Variants in PRKN observed in about 807,000 individuals in gnomAD.
PRKN encodes the protein E3 ubiquitin-protein ligase parkin.
PRKN carries 56 observed loss-of-function variants against 59.5 expected under a neutral mutation model. The ratio of observed to expected loss-of-function variants is 0.94; its 90% CI spans 0.76 to 1.18. The LOEUF (loss-of-function observed/expected upper bound fraction) is 1.18. Ranked by LOEUF, PRKN falls within the 50% of genes most tolerant of loss-of-function variation. The pLI, the probability that PRKN is intolerant of heterozygous loss-of-function variation, is 0.00. For missense variants in PRKN, 657 were observed against 596.4 expected (o/e 1.10, Z -1.06); for synonymous variants, 250 against 222.1 (o/e 1.13, Z -1.12).
chr6:161,947,610 T>C (rs1174814521), intron 6 of PRKN, among the ~76,000 whole-genome samples: 1 of 152,188 alleles, frequency 6.6e-6, no homozygotes, highest in African/African-American at 2.4e-5. Flanking sequence ...TGGAACTACA[T>C]CTTGTATTCA....
At chr6:162,658,490 C>T in intron 1 of PRKN, among the ~76,000 whole-genome samples, 1 of 151,538 alleles carries the variant, frequency 6.6e-6, no homozygotes, top group East Asian at 1.9e-4. Context: ...GGTGAAACCC[C>T]GTCTCTACAA....
In PRKN at chr6:161,584,247, C is replaced by G. The variant is rs1254838839; in HGVS notation, c.872-14831G>C. Among the ~76,000 whole-genome samples, 1 of 152,146 alleles carries G rather than the reference C, an allele frequency of 6.6e-6. No individual in the cohort carries two copies. The highest frequency in any genetic ancestry group is 1.5e-5 in the Non-Finnish European group (1 of 68,020). Reference sequence around the variant, plus strand: ...CAGGCAACATAATTATGAAAAATGTCTGTGCTCAATACAGCCTGTCCTTCC... The same window carrying G: ...CAGGCAACATAATTATGAAAAATGTGTGTGCTCAATACAGCCTGTCCTTCC... On this transcript the variant is annotated intron_variant, in intron 7 of 11. Coordinates refer to ENST00000366898, the MANE Select transcript of PRKN (RefSeq NM_004562.3). This position sits in a 1 kb window ranked among gnomAD's most constrained non-coding sequence, Gnocchi z 4.8.
chr6:162,151,047 G>A (rs1782248830), intron 4 of PRKN, among the ~76,000 whole-genome samples: 1 of 152,174 alleles, frequency 6.6e-6, no homozygotes, highest in South Asian at 2.1e-4. Flanking sequence ...AGGCAATAAA[G>A]ACAGCAGGGA....
At chr6:162,236,066 G>A (rs1021474153) in intron 3 of PRKN, among the ~76,000 whole-genome samples, 1 of 151,884 alleles carries the variant, frequency 6.6e-6, no homozygotes, top group Non-Finnish European at 1.5e-5. Context: ...TTACTGCCAG[G>A]TCCCCCTTTC....
chr6:162,528,299 G>A (rs1227360892), intron 1 of PRKN, among the ~76,000 whole-genome samples: 2 of 149,948 alleles, frequency 1.3e-5, no homozygotes, highest in East Asian at 3.9e-4. Context: ...TCCAGCCTGG[G>A]TGAAGTGAAA....
rs1785450522 is a variant in PRKN at position 161,371,688 on chromosome 6, G to C, written c.1168-11483C>G. 6.6e-6 allele frequency among the ~76,000 whole-genome samples: 1 copy of C among 151,940 alleles called. No homozygotes were observed. The highest frequency in any genetic ancestry group is 1.5e-5 in the Non-Finnish European group (1 of 68,012). On this transcript the variant is annotated intron_variant, in intron 10 of 11. Transcript: ENST00000366898. This position sits in a 1 kb window ranked among gnomAD's most constrained non-coding sequence, Gnocchi z 5.5. ...GAGTTTTGCTCTGTCACCTAGGCTG[G>C]AGTGCAATGACACAATCTCGGCTCA...
intron 6 of PRKN, among the ~76,000 whole-genome samples, chr6:161,946,701 G>A (rs1779795669): frequency 6.6e-6 from 1 of 151,994 alleles, no homozygotes; most frequent in Non-Finnish European, 1.5e-5. Context: ...CTGGAAATCT[G>A]TTCTTTAGAA....
At chr6:161,452,203 G>A (rs1467289999) in intron 9 of PRKN, among the ~76,000 whole-genome samples, 4 of 151,740 alleles carry the variant, frequency 2.6e-5, no homozygotes, top group African/African-American at 4.9e-5. Context: ...ATCCCACCTC[G>A]GCCTCCCAAA....
Position 162,073,443 on chromosome 6 carries a change from G to T in PRKN, c.535-19269C>A, listed in dbSNP as rs563641527. 2.6e-5 allele frequency among the ~76,000 whole-genome samples: 4 copies of T among 152,088 alleles called. 1 individual carries two copies. In the South Asian group the frequency reaches 6.2e-4, roughly 24 times the overall value. On this transcript the variant is annotated intron_variant, in intron 4 of 11. Transcript: ENST00000366898. ...TACCTCTATAGCTTTGGGTTTTTTT[G>T]TTGTTGTTTTTTGTGTGTCTGTTTT... is the stretch of plus-strand genomic sequence containing the variant.
At chr6:162,253,853 A>C (rs935968141) in intron 3 of PRKN, among the ~76,000 whole-genome samples, 1 of 151,998 alleles carries the variant, frequency 6.6e-6, no homozygotes, top group Non-Finnish European at 1.5e-5. Context: ...GGTATAAAAA[A>C]GTCCACACAA....
intron 3 of PRKN, among the ~76,000 whole-genome samples, chr6:162,211,874 C>G (rs555427696): frequency 7.8e-4 from 118 of 152,236 alleles, no homozygotes; most frequent in South Asian, 1.2e-3. Flanking sequence ...CATAAAATCT[C>G]TACTACCTCT....
chr6:162,150,688 A>G (rs1373100097), intron 4 of PRKN, among the ~76,000 whole-genome samples: 3 of 152,294 alleles, frequency 2.0e-5, no homozygotes, highest in African/African-American at 7.2e-5. Flanking sequence ...AACGAACTAC[A>G]GCTTTCCCTG....
intron 3 of PRKN, among the ~76,000 whole-genome samples, chr6:162,257,291 CCA>C (rs1476740941): frequency 2.6e-5 from 4 of 152,096 alleles, no homozygotes; most frequent in Non-Finnish European, 5.9e-5. Flanking sequence ...GCCAGCGTGG[CCA>C]CAGTTTTTCT....
chr6:162,243,289 T>C (rs184231603), intron 3 of PRKN, among the ~76,000 whole-genome samples: 2 of 152,268 alleles, frequency 1.3e-5, no homozygotes, highest in East Asian at 3.9e-4. Context: ...TAAGAAGTTG[T>C]ATAGCAGTCA....
At chr6:162,652,520 A>C (rs1373573847) in intron 1 of PRKN, among the ~76,000 whole-genome samples, 1 of 152,198 alleles carries the variant, frequency 6.6e-6, no homozygotes, top group African/African-American at 2.4e-5. Context: ...AATTCATTTT[A>C]AATTTAGTTT....
intron 7 of PRKN, among the ~76,000 whole-genome samples, chr6:161,744,793 T>C (rs1407523762): frequency 6.6e-6 from 1 of 152,204 alleles, no homozygotes; most frequent in Non-Finnish European, 1.5e-5. Flanking sequence ...CCACCAGAGA[T>C]GCTGGCTCAG....
At chr6:161,350,959 TTTAAA>T (rs1784519549) in intron 11 of PRKN, among the ~76,000 whole-genome samples, 2 of 64,966 alleles carry the variant, frequency 3.1e-5, no homozygotes, top group African/African-American at 1.5e-4. Context: ...TATATTTATA[TTTAAA>T]ATATATATAA....
At chr6:162,068,787 A>G (rs571437647) in intron 4 of PRKN, among the ~76,000 whole-genome samples, 4 of 146,020 alleles carry the variant, frequency 2.7e-5, no homozygotes, top group Non-Finnish European at 3.0e-5. Flanking sequence ...TCTTGGTTAG[A>G]GAAAGCAATT....
rs1786512871 is a variant in PRKN, at chr6:161,391,768, TA to T, written c.1084-4892del. Among the ~76,000 whole-genome samples, 1 of 152,022 alleles carries T rather than the reference TA, an allele frequency of 6.6e-6. No homozygotes were observed. The highest frequency in any genetic ancestry group is 1.5e-5 in the Non-Finnish European group (1 of 68,026). ...CAATCTGTGGAAAGGCCTAAGAGCA[TA>T]ACTGAGCCTTCCCTGAGGAAGAAGA... On this transcript the variant is annotated intron_variant, in intron 9 of 11. Transcript: ENST00000366898. The surrounding 1 kb of genome is among the most constrained non-coding windows in gnomAD (Gnocchi z 4.9).
Sources: gnomAD v4.1 joint callset for allele counts (sites outside exome capture counted in the v4.1 genomes callset) on GRCh38, gnomAD v4.1.1 for gene constraint, Gnocchi (gnomAD v3.1) non-coding constraint, MANE v1.5 for transcripts, NCBI Gene and HGNC (gene_info 2026-07-23, HGNC 2026-07-21) for gene names.